PIGN: variants seen among roughly 807,000 people sequenced by gnomAD.
PIGN encodes the protein GPI ethanolamine phosphate transferase 1.
PIGN carries 117 observed loss-of-function variants against 125.4 expected under a neutral mutation model. That is an observed-to-expected ratio of 0.93 (90% CI 0.80 to 1.09). The LOEUF (loss-of-function observed/expected upper bound fraction) is 1.09, where lower values mean the gene tolerates loss of function less well. PIGN is among the 50% of genes least tolerant of loss of function. The pLI, the probability that PIGN is intolerant of heterozygous loss-of-function variation, is 0.00. For missense variants in PIGN, 1,075 were observed against 1,094.9 expected (o/e 0.98, Z 0.26); for synonymous variants, 392 against 377.8 (o/e 1.04, Z -0.44).
intron 14 of PIGN, among the ~76,000 whole-genome samples, chr18:62,116,996 T>C (rs1202049839): frequency 1.3e-5 from 2 of 152,106 alleles, no homozygotes; most frequent in African/African-American, 2.4e-5. Context: ...TATGTTATAT[T>C]ATATTGGAAG....
intron 23 of PIGN, among the ~76,000 whole-genome samples, chr18:62,029,582 G>A (rs977997678): frequency 6.6e-6 from 1 of 152,190 alleles, no homozygotes; most frequent in Non-Finnish European, 1.5e-5. Context: ...AGGGTATTTA[G>A]TACCGGTGAC....
chr18:62,139,902 G>A (rs548457136), intron 12 of PIGN, among the ~76,000 whole-genome samples: 13 of 152,224 alleles, frequency 8.5e-5, no homozygotes, highest in Non-Finnish European at 1.5e-4. Context: ...TACAAGGCTG[G>A]TTTTCAAGCA....
In PIGN at chr18:62,044,559, A is replaced by C. The variant is rs533143209; in HGVS notation, c.*1297T>G. On this transcript the variant is annotated 3_prime_UTR_variant, in exon 31 of 31. Transcript: ENST00000640252. Reference sequence around the variant, plus strand: ...ATACCATAAAGTAGTATTACAAATAAATTATGACTATACTTCATCATAAAT... The same window carrying C: ...ATACCATAAAGTAGTATTACAAATACATTATGACTATACTTCATCATAAAT... 6.6e-6 allele frequency: 1 copy of C among 152,322 alleles called. No individual in the cohort carries two copies. Among genetic ancestry groups the C allele is most frequent in the African/African-American group, 2.4e-5 (1 of 41,564 alleles). The allele number at this position is 152,322 out of a possible 1,614,324, so 9.4% of individuals were successfully genotyped here.
At chr18:62,059,534 G>A (rs2031986919) in intron 30 of PIGN, among the ~76,000 whole-genome samples, 2 of 152,168 alleles carry the variant, frequency 1.3e-5, no homozygotes, top group Admixed American at 1.3e-4. Flanking sequence ...ACACTAACTG[G>A]AAGAAGTTAG....
Position 62,086,247 on chromosome 18 carries a change from CAGAT to C in PIGN, c.2371-987_2371-984del, listed in dbSNP as rs1379402139. On this transcript the variant is annotated intron_variant, in intron 25 of 30. Transcript: ENST00000640252. Reference sequence around the variant, plus strand: ...GCCAAGAAAGAGTAAAAAGGCTTGACAGATAGGAACTTAGACTTTATCGAAGGAT... The same window carrying C: ...GCCAAGAAAGAGTAAAAAGGCTTGACAGGAACTTAGACTTTATCGAAGGAT... Among the ~76,000 whole-genome samples, 4 of 152,254 alleles carry C rather than the reference CAGAT, an allele frequency of 2.6e-5. No individual in the cohort carries two copies. In the East Asian group the frequency reaches 5.8e-4, roughly 22 times the overall value.
At chr18:62,027,079 T>C (rs550713304) in intron 23 of PIGN, among the ~76,000 whole-genome samples, 72 of 152,198 alleles carry the variant, frequency 4.7e-4, no homozygotes, top group Non-Finnish European at 6.8e-4. Context: ...GGCAGGCACC[T>C]GTAACCCCAG....
Position 62,113,257 on chromosome 18 carries a change from T to A in PIGN, c.1311A>T (p.Thr437=). 6.2e-7 allele frequency: 1 copy of A among 1,613,030 alleles called. No individual in the cohort carries two copies. The highest frequency in any genetic ancestry group is 8.5e-7 in the Non-Finnish European group (1 of 1,179,390). The part of the protein sequence containing the change: ...LALKGLSYYH[T]YDRFFLGVNV... ...TGACGCCCAAAAAGAATCTGTCATA[T>A]GTGTGATAATAGGACAATCCTTTCA... The change falls in exon 16 of 31, where the codon ACA becomes ACT. Residue 437 remains threonine, a synonymous_variant. Coordinates refer to ENST00000640252, the MANE Select transcript of PIGN (RefSeq NM_176787.5).
chr18:62,097,038 A>T (rs1306180489), intron 22 of PIGN, among the ~76,000 whole-genome samples: 5 of 151,098 alleles, frequency 3.3e-5, no homozygotes, highest in Non-Finnish European at 7.4e-5. Flanking sequence ...CCAAAACACC[A>T]AAAGCAATGG....
intron 1 of PIGN, among the ~76,000 whole-genome samples, chr18:62,177,540 T>C (rs907186048): frequency 1.3e-5 from 2 of 152,148 alleles, no homozygotes; most frequent in Non-Finnish European, 2.9e-5. Flanking sequence ...TTCCACCAAT[T>C]TGTTTATTTT....
At chr18:62,099,430 A>C (rs2034347337) in intron 22 of PIGN, among the ~76,000 whole-genome samples, 1 of 152,166 alleles carries the variant, frequency 6.6e-6, no homozygotes, top group Non-Finnish European at 1.5e-5. Flanking sequence ...GACATCCTTC[A>C]CAGAAATAGA....
chr18:62,181,908 T>C (rs890331322), intron 1 of PIGN, among the ~76,000 whole-genome samples: 4 of 152,108 alleles, frequency 2.6e-5, no homozygotes, highest in African/African-American at 9.7e-5. Context: ...GTATTTTTAG[T>C]AGAGACAGGG....
At chr18:62,071,899 T>C (rs2032890769) in intron 30 of PIGN, among the ~76,000 whole-genome samples, 1 of 122,062 alleles carries the variant, frequency 8.2e-6, no homozygotes, top group African/African-American at 3.2e-5. Context: ...TATATATATA[T>C]ATATATATAT....
rs775172938 is a variant in PIGN, at chr18:62,154,604, C to T, written c.490G>A (p.Glu164Lys). 1.3e-6 allele frequency: 2 copies of T among 1,594,972 alleles called. No homozygotes were observed. The highest frequency in any genetic ancestry group is 1.7e-6 in the Non-Finnish European group (2 of 1,163,808). ...GTTGCATCTTGAGCACCAAAATCCT[C>T]TCTTTTAGCATCATAACTATATGTA... ...VYTYSYDAKREDFGAQDATKL... is the reference protein window; with the variant it reads ...VYTYSYDAKRKDFGAQDATKL... The change falls in exon 7 of 31, where the codon GAG becomes AAG. Residue 164 changes from glutamate to lysine, a missense_variant. Coordinates refer to ENST00000640252, the MANE Select transcript of PIGN (RefSeq NM_176787.5).
At chr18:62,050,756 A>G (rs2031208662) in intron 30 of PIGN, among the ~76,000 whole-genome samples, 2 of 152,160 alleles carry the variant, frequency 1.3e-5, no homozygotes, top group Admixed American at 1.3e-4. Flanking sequence ...GAGTGGTGAG[A>G]GAGGGCATCC....
intron 14 of PIGN, among the ~76,000 whole-genome samples, chr18:62,134,517 C>G (rs2035857360): frequency 6.6e-6 from 1 of 152,182 alleles, no homozygotes; most frequent in Non-Finnish European, 1.5e-5. Flanking sequence ...ATTTCCTTCC[C>G]TCTCTGCCTT....
In PIGN at chr18:62,041,596, A is replaced by G. The variant is rs1248067708; in HGVS notation, c.*4260T>C. 6.8e-6 allele frequency: 1 copy of G among 147,904 alleles called. No homozygotes were observed. The highest frequency in any genetic ancestry group is 2.5e-5 in the African/African-American group (1 of 39,490). 9.2% of individuals were successfully genotyped at this position (147,904 alleles called of 1,614,324 possible). On this transcript the variant is annotated 3_prime_UTR_variant, in exon 31 of 31. Transcript: ENST00000640252. ...CAGGTTCAAGCAATTCTCATGCCTCAGGCTCCTGAGTAGCAAGGATTACAG... is the reference window on the plus strand; with the variant it reads ...CAGGTTCAAGCAATTCTCATGCCTCGGGCTCCTGAGTAGCAAGGATTACAG...
At chr18:62,131,458 A>G (rs1449187406) in intron 14 of PIGN, among the ~76,000 whole-genome samples, 1 of 150,914 alleles carries the variant, frequency 6.6e-6, no homozygotes, top group Non-Finnish European at 1.5e-5. Context: ...TCCTCCTTTT[A>G]CAGATGGGTG....
In PIGN at chr18:62,061,189, T is replaced by C. The variant is rs144527983; in HGVS notation, c.2672+11484A>G. 4.2e-3 allele frequency among the ~76,000 whole-genome samples: 645 copies of C among 152,316 alleles called. 3 individuals carry two copies. Among genetic ancestry groups the C allele is most frequent in the African/African-American group, 0.015 (619 of 41,566 alleles). On this transcript the variant is annotated intron_variant, in intron 30 of 30. Transcript: ENST00000640252. ...GTACTATGCCTATAAACAGATATAC[T>C]ATCTAATGCCCTAATAATACAATCT...
At chr18:62,021,593 T>A (rs2030055377) in intron 23 of PIGN, among the ~76,000 whole-genome samples, 1 of 152,238 alleles carries the variant, frequency 6.6e-6, no homozygotes, top group African/African-American at 2.4e-5. Flanking sequence ...GCACAGGGGC[T>A]GCTGGCAAAC....
Sources: gnomAD v4.1 joint callset for allele counts (sites outside exome capture counted in the v4.1 genomes callset) on GRCh38, gnomAD v4.1.1 for gene constraint, MANE v1.5 for transcripts, NCBI Gene and HGNC (gene_info 2026-07-23, HGNC 2026-07-21) for gene names.